The following SOD1 variants were observed in gnomAD, a reference collection of about 807,000 sequenced individuals.
The protein encoded by SOD1 is superoxide dismutase 1, also known as superoxide dismutase [Cu-Zn].
In SOD1, 8 loss-of-function variants were observed where a neutral mutation model predicts 15.9. The ratio of observed to expected loss-of-function variants is 0.50; its 90% CI spans 0.30 to 0.91. SOD1 has a LOEUF of 0.91. Ranked by LOEUF, SOD1 falls within the 40% of genes least tolerant of loss-of-function variation. The probability of loss-of-function intolerance (pLI) is 0.07; values close to 1 mark genes in which losing one functional copy is unlikely to be tolerated. For missense variants in SOD1, 137 were observed against 194.5 expected (o/e 0.70, Z 1.76); for synonymous variants, 86 against 71.2 (o/e 1.21, Z -1.04).
At chr21:31,666,685 TC>T (rs1316615803) in intron 3 of SOD1, 167 bp downstream of exon 3, 2 of 680,740 alleles carry the variant, frequency 2.9e-6, no homozygotes, top group African/African-American at 1.8e-5. Context: ...TGCTTTTACT[TC>T]CTGGGCTTAA....
In SOD1 at chr21:31,659,791, G is replaced by A. The variant is rs1380854315; in HGVS notation, c.22G>A (p.Val8Met). ...AGTTATGGCGACGAAGGCCGTGTGC[G>A]TGCTGAAGGGCGACGGCCCAGTGCA... MATKAVC[V>M]LKGDGPVQGI... is the part of the protein sequence containing the mutation. The change falls in exon 1 of 5, where the codon GTG becomes ATG. Residue 8 changes from valine (V) to methionine (M), a missense_variant. Val to Met is a conservative substitution (Grantham distance 21, BLOSUM62 1). Coordinates refer to ENST00000270142, the MANE Select transcript of SOD1 (RefSeq NM_000454.5). 2.5e-6 allele frequency: 4 copies of A among 1,613,940 alleles called. No homozygotes were observed.
intron 1 of SOD1, among the ~76,000 whole-genome samples, chr21:31,663,272 G>A (rs980306888): frequency 1.3e-5 from 2 of 151,170 alleles, no homozygotes; most frequent in African/African-American, 2.4e-5. Flanking sequence ...CCCGGGAGGC[G>A]GAGCTTGCAG....
intron 1 of SOD1, among the ~76,000 whole-genome samples, chr21:31,661,241 C>T (rs1249247466): frequency 6.6e-6 from 1 of 152,172 alleles, no homozygotes; most frequent in African/African-American, 2.4e-5. Flanking sequence ...TGAGTTTAGC[C>T]TTTTTCTTTA....
chr21:31,664,651 C>T (rs1159566048), intron 2 of SOD1, among the ~76,000 whole-genome samples: 3 of 151,988 alleles, frequency 2.0e-5, no homozygotes, highest in South Asian at 2.1e-4. Flanking sequence ...CGGAGTCTTA[C>T]TCTGTGGCCC....
Position 31,663,782 on chromosome 21 carries a change from T to C in SOD1, c.73-8T>C, listed in dbSNP as rs200764110. 9.4e-6 allele frequency: 15 copies of C among 1,602,800 alleles called. No homozygotes were observed. In the African/African-American group the frequency reaches 1.7e-4, roughly 19 times the overall value. ...GAAACTCTCTCCAACTTTGCACTTTTCTTAAAGGAAAGTAATGGACCAGTG... is the reference window on the plus strand; with the variant it reads ...GAAACTCTCTCCAACTTTGCACTTTCCTTAAAGGAAAGTAATGGACCAGTG... On this transcript the variant is annotated splice_region_variant and splice_polypyrimidine_tract_variant and intron_variant, in intron 1 of 4. Transcript: ENST00000270142.
intron 4 of SOD1, 96 bp from the exon 5 acceptor site, chr21:31,668,375 T>C (rs2049616595): frequency 2.4e-6 from 2 of 820,294 alleles, no homozygotes; most frequent in African/African-American, 3.4e-5. Context: ...GTTATTTTTC[T>C]AATATTATGA....
At chr21:31,665,370 T>C (rs1047966195) in intron 2 of SOD1, among the ~76,000 whole-genome samples, 1 of 152,242 alleles carries the variant, frequency 6.6e-6, no homozygotes, top group Admixed American at 6.5e-5. Context: ...AAATTAACTT[T>C]ATTCATCTTG....
intron 1 of SOD1, among the ~76,000 whole-genome samples, chr21:31,660,999 A>T (rs1568808098): frequency 6.6e-6 from 1 of 152,258 alleles, no homozygotes. Context: ...CAGAACTTTT[A>T]TCAGTAAAAT....
intron 1 of SOD1, 23 bp from the exon 2 acceptor site, chr21:31,663,767 C>T: frequency 6.4e-7 from 1 of 1,562,760 alleles, no homozygotes; most frequent in Non-Finnish European, 8.8e-7. Context: ...GAAACTCTCT[C>T]CAACTTTGCA....
At chr21:31,664,122 C>T (rs1601156393) in intron 2 of SOD1, among the ~76,000 whole-genome samples, 1 of 152,138 alleles carries the variant, frequency 6.6e-6, no homozygotes, top group Admixed American at 6.5e-5. Flanking sequence ...CAGGTACACA[C>T]CACCACGCCT....
intron 1 of SOD1, among the ~76,000 whole-genome samples, chr21:31,661,230 A>C (rs936016099): frequency 6.6e-6 from 1 of 152,232 alleles, no homozygotes; most frequent in Admixed American, 6.5e-5. Flanking sequence ...GAGGGAGATA[A>C]TGAGTTTAGC....
chr21:31,663,907 G>T (rs1286314043), intron 2 of SOD1, 21 bp downstream of exon 2: 1 of 1,565,984 alleles, frequency 6.4e-7, no homozygotes, highest in East Asian at 2.2e-5. Flanking sequence ...TGCTGTGCTG[G>T]TGACCCATAC....
At position 31,659,814 on chromosome 21, in the gene SOD1, G is replaced by T. The variant is rs1251222457; in HGVS notation, c.45G>T (p.Val15=). The change falls in exon 1 of 5, where the codon GTG becomes GTT. Residue 15 remains valine, a synonymous_variant. Transcript: ENST00000270142. ...AVCVLKGDGP[V]QGIINFEQKE... ...GCGTGCTGAAGGGCGACGGCCCAGT[G>T]CAGGGCATCATCAATTTCGAGCAGA... 3 of 1,613,820 alleles carry T rather than the reference G, an allele frequency of 1.9e-6. No homozygotes were observed. The highest frequency in any genetic ancestry group is 1.3e-5 in the African/African-American group (1 of 75,058).
chr21:31,664,679 C>A (rs1456761735), intron 2 of SOD1, among the ~76,000 whole-genome samples: 2 of 151,910 alleles, frequency 1.3e-5, no homozygotes, highest in African/African-American at 4.8e-5. Flanking sequence ...AGTGCAGTGG[C>A]GCGATCTCGG....
chr21:31,664,770 C>G (rs1305964154), intron 2 of SOD1, among the ~76,000 whole-genome samples: 1 of 152,102 alleles, frequency 6.6e-6, no homozygotes. Flanking sequence ...AGGTGCCCGC[C>G]ACCCCGCCTG....
Position 31,667,395 on chromosome 21 carries a change from T to A in SOD1, c.357+20T>A. On this transcript the variant is annotated intron_variant, in intron 4 of 4. Coordinates refer to ENST00000270142, the MANE Select transcript of SOD1 (RefSeq NM_000454.5). ...CTGGTGGTAAGTTTTCATAAAAGGA[T>A]ATGCATAAAACTTCTTCTAACATAC... 6.6e-7 allele frequency: 1 copy of A among 1,517,528 alleles called. No individual in the cohort carries two copies. The highest frequency in any genetic ancestry group is 9.2e-7 in the Non-Finnish European group (1 of 1,091,702). 94.0% of individuals were successfully genotyped at this position (1,517,528 alleles called of 1,614,324 possible).
At chr21:31,665,374 C>A (rs1047708992) in intron 2 of SOD1, among the ~76,000 whole-genome samples, 2 of 152,130 alleles carry the variant, frequency 1.3e-5, no homozygotes, top group Non-Finnish European at 2.9e-5. Context: ...TAACTTTATT[C>A]ATCTTGCTAA....
In SOD1 at chr21:31,663,068, G is replaced by C. The variant is rs193060339; in HGVS notation, c.73-722G>C. On this transcript the variant is annotated intron_variant, in intron 1 of 4. Transcript: ENST00000270142. ...ACACTTAAAAACACTCACTGAGTGG[G>C]GAGTGGAGAGCAGGGGTCCCAGGGT... Among the ~76,000 whole-genome samples, 44 of 150,366 alleles carry C rather than the reference G, an allele frequency of 2.9e-4. No homozygotes were observed. The East Asian group carries it at 8.4e-3, about 29-fold the overall frequency.
rs1431084041 is a variant in SOD1, at chr21:31,668,819, A to G, written c.*241A>G. ...ATGACCTGTATTTTGCCAGACTTAA[A>G]TCACAGATGGGTATTAAACTTGTCA... On this transcript the variant is annotated 3_prime_UTR_variant, in exon 5 of 5. Transcript: ENST00000270142. 1.4e-5 allele frequency: 7 copies of G among 488,382 alleles called. No homozygotes were observed. Among genetic ancestry groups the G allele is most frequent in the Non-Finnish European group, 2.2e-5 (6 of 268,994 alleles). 30.3% of individuals were successfully genotyped at this position (488,382 alleles called of 1,614,324 possible).
Sources: allele counts gnomAD v4.1 joint callset (sites outside exome capture counted in the v4.1 genomes callset), GRCh38; gene constraint gnomAD v4.1.1; transcripts MANE v1.5; gene names NCBI Gene and HGNC (gene_info 2026-07-23, HGNC 2026-07-21).